The following STON1 variants were observed in gnomAD, a reference collection of about 807,000 sequenced individuals.
STON1 encodes the protein stonin 1.
STON1 carries 79 observed loss-of-function variants against 60.9 expected under a neutral mutation model. The observed-to-expected ratio is 1.30, with a 90% confidence interval of 1.08 to 1.56. The LOEUF (loss-of-function observed/expected upper bound fraction) is 1.56, where lower values mean the gene tolerates loss of function less well. Among genes scored for constraint, STON1 ranks in the 40% most tolerant of loss-of-function variants. The pLI is 0.00. For missense variants in STON1, 1,166 were observed against 858.9 expected, an observed-to-expected ratio of 1.36 and a Z score of -4.47; for synonymous variants, 363 against 306.9, an observed-to-expected ratio of 1.18 and a Z score of -1.91.
chr2:48,594,210 T>C (rs561699299), intron 3 of STON1, among the ~76,000 whole-genome samples: 136 of 152,312 alleles, frequency 8.9e-4, no homozygotes, highest in African/African-American at 3.1e-3. Context: ...AGTTTATTTC[T>C]TGGGGAACCT....
chr2:48,583,844 C>T (rs572179199), intron 2 of STON1, among the ~76,000 whole-genome samples: 41 of 151,500 alleles, frequency 2.7e-4, no homozygotes, highest in African/African-American at 9.4e-4. Flanking sequence ...CTCCGCCTCT[C>T]GGGTTCAAGT....
intron 1 of STON1, among the ~76,000 whole-genome samples, chr2:48,578,715 C>T (rs902962065): frequency 6.6e-6 from 1 of 151,448 alleles, no homozygotes; most frequent in African/African-American, 2.4e-5. Flanking sequence ...ACCACCATGC[C>T]TGGCTAATTT....
chr2:48,540,355 C>T (rs1671604998), intron 1 of STON1, among the ~76,000 whole-genome samples: 1 of 152,174 alleles, frequency 6.6e-6, no homozygotes, highest in Non-Finnish European at 1.5e-5. Context: ...CTTCTGCCCT[C>T]CTTTCACTTA....
At position 48,556,772 on chromosome 2, in the gene STON1, C is replaced by T. The variant is rs1340817464; in HGVS notation, c.-47-23815C>T. Among the ~76,000 whole-genome samples, 15 of 50,470 alleles carry T rather than the reference C, an allele frequency of 3.0e-4. 2 individuals are homozygous for T. The highest frequency in any genetic ancestry group is 4.3e-4 in the Non-Finnish European group (11 of 25,334). 33.1% of individuals were successfully genotyped at this position (50,470 alleles called of 152,430 possible). ...CTGACCCCCCCACCTCCCTCCTGGA[C>T]GGCACGGCTGCCCGGGCGGGGGGGC... is the stretch of plus-strand genomic sequence containing the variant. On this transcript the variant is annotated intron_variant, in intron 1 of 3. Coordinates refer to ENST00000404752, the MANE Select transcript of STON1 (RefSeq NM_006873.4).
In STON1 at chr2:48,580,980, T is replaced by C. The variant is rs761962005; in HGVS notation, c.347T>C (p.Ile116Thr). 2 of 1,574,962 alleles carry C rather than the reference T, an allele frequency of 1.3e-6. No individual in the cohort carries two copies. The highest frequency in any genetic ancestry group is 2.2e-5 in the East Asian group (1 of 44,548). ...TCATCTTCAGACAGCCCACTCGCAA[T>C]ATCAGGAGGAGAATCTTCCTTACTG... is the stretch of plus-strand genomic sequence containing the variant. ...PESSSDSPLA[I>T]SGGESSLLPT... is the part of the protein sequence containing the mutation. Residue 116 changes from isoleucine (I) to threonine (T), a missense_variant, in exon 2 of 4, where the codon ATA becomes ACA. Ile to Thr is a moderately conservative substitution (Grantham distance 89). Transcript: ENST00000404752.
At chr2:48,577,095 A>C (rs1196505586) in intron 1 of STON1, among the ~76,000 whole-genome samples, 1 of 151,634 alleles carries the variant, frequency 6.6e-6, no homozygotes, top group Non-Finnish European at 1.5e-5. Context: ...TACCGTTTGC[A>C]AATATTTTCT....
At chr2:48,592,832 C>T (rs1203570236) in intron 3 of STON1, among the ~76,000 whole-genome samples, 2 of 151,990 alleles carry the variant, frequency 1.3e-5, no homozygotes, top group African/African-American at 2.4e-5. Flanking sequence ...TCAGGCTGGT[C>T]TCAAATTCCT....
chr2:48,560,819 G>A (rs1256676932), intron 1 of STON1, among the ~76,000 whole-genome samples: 2 of 152,126 alleles, frequency 1.3e-5, no homozygotes, highest in Admixed American at 1.3e-4. Flanking sequence ...AGCAGGCCAC[G>A]TGCTCCCTTG....
intron 1 of STON1, among the ~76,000 whole-genome samples, chr2:48,568,452 C>T (rs1572958572): frequency 6.6e-6 from 1 of 152,200 alleles, no homozygotes; most frequent in South Asian, 2.1e-4. Context: ...TAGAGGAAAA[C>T]TGCAAAGAAC....
intron 1 of STON1, among the ~76,000 whole-genome samples, chr2:48,549,336 A>G (rs1014070857): frequency 1.3e-5 from 2 of 152,174 alleles, no homozygotes; most frequent in African/African-American, 4.8e-5. Context: ...TCCTTTTGTA[A>G]GTAAAGGTCA....
chr2:48,534,658 C>T (rs889523809), intron 1 of STON1, among the ~76,000 whole-genome samples: 4 of 152,130 alleles, frequency 2.6e-5, no homozygotes, highest in African/African-American at 7.2e-5. Context: ...GTTGCACATG[C>T]CTGAGTCCCA....
intron 1 of STON1, among the ~76,000 whole-genome samples, chr2:48,566,754 C>T (rs985951668): frequency 6.6e-6 from 1 of 152,226 alleles, no homozygotes; most frequent in African/African-American, 2.4e-5. Context: ...ACCCTATCTT[C>T]AGGCATTGAT....
rs1477739857 is a variant in STON1 at position 48,581,472 on chromosome 2, T to A, written c.839T>A (p.Leu280Gln). 1 of 1,614,226 alleles carries A rather than the reference T, an allele frequency of 6.2e-7. No homozygotes were observed. Among genetic ancestry groups the A allele is most frequent in the Non-Finnish European group, 8.5e-7 (1 of 1,180,032 alleles). ...SQPKSGWSFMLRIPEKKNMMS... is the reference protein window; with the variant it reads ...SQPKSGWSFMQRIPEKKNMMS... ...CCAAAATCCGGATGGTCTTTCATGC[T>A]GAGAATTCCTGAGAAGAAGAATATG... The change falls in exon 2 of 4, where the codon CTG becomes CAG. Residue 280 changes from leucine (L) to glutamine (Q), a missense_variant. Coordinates refer to ENST00000404752, the MANE Select transcript of STON1 (RefSeq NM_006873.4).
Position 48,582,097 on chromosome 2 carries a change from T to A in STON1, c.1464T>A (p.His488Gln). Residue 488 changes from histidine to glutamine, a missense_variant, in exon 2 of 4, where the codon CAT becomes CAA. Transcript: ENST00000404752. ...TTGATATTCTTGACTACCATTTTCATAAGTGTGTGAATGTACAAGAATTTG... is the reference window on the plus strand; with the variant it reads ...TTGATATTCTTGACTACCATTTTCAAAAGTGTGTGAATGTACAAGAATTTG... ...KGIDILDYHFHKCVNVQEFEQ... is the reference protein window; with the variant it reads ...KGIDILDYHFQKCVNVQEFEQ... 1 of 1,614,038 alleles carries A rather than the reference T, an allele frequency of 6.2e-7. No individual in the cohort carries two copies. Among genetic ancestry groups the A allele is most frequent in the South Asian group, 1.1e-5 (1 of 91,072 alleles).
intron 1 of STON1, among the ~76,000 whole-genome samples, chr2:48,564,405 G>GTCCTCTTCT (rs1553359255): frequency 3.6e-5 from 3 of 83,034 alleles, no homozygotes; most frequent in East Asian, 4.4e-4. Flanking sequence ...CAGTGGCGGT[G>GTCCTCTTCT]TCTTCTTCTT....
intron 2 of STON1, 63 bp from the exon 3 acceptor site, chr2:48,591,590 G>A: frequency 1.9e-6 from 3 of 1,580,276 alleles, no homozygotes; most frequent in Non-Finnish European, 2.6e-6. Context: ...TGCCTTTTAT[G>A]TTCAAGAGAA....
In STON1 at chr2:48,598,424, A is replaced by G. The variant is rs1674878643; in HGVS notation, c.*3122A>G. The G allele has an allele frequency of 6.6e-6, 1 of 152,660 alleles. No individual in the cohort carries two copies. Among genetic ancestry groups the G allele is most frequent in the Admixed American group, 6.5e-5 (1 of 15,280 alleles). 9.5% of individuals were successfully genotyped at this position (152,660 alleles called of 1,614,324 possible). ...ACAGTTTTGTATTCTGTCAATGCAAATATAAGACAGGTTGAGCCTTAATCA... is the reference window on the plus strand; with the variant it reads ...ACAGTTTTGTATTCTGTCAATGCAAGTATAAGACAGGTTGAGCCTTAATCA... On this transcript the variant is annotated 3_prime_UTR_variant, in exon 4 of 4. Transcript: ENST00000404752.
chr2:48,560,545 T>C (rs541291292), intron 1 of STON1, among the ~76,000 whole-genome samples: 2 of 152,352 alleles, frequency 1.3e-5, no homozygotes, highest in East Asian at 3.9e-4. Context: ...CCTGCTTGTC[T>C]GCCTCCTTCT....
intron 2 of STON1, among the ~76,000 whole-genome samples, chr2:48,589,165 G>C (rs965521453): frequency 6.6e-6 from 1 of 152,042 alleles, no homozygotes; most frequent in East Asian, 1.9e-4. Flanking sequence ...TCAGCACGTT[G>C]GTTGCTCTCT....
Sources: allele counts gnomAD v4.1 joint callset (sites outside exome capture counted in the v4.1 genomes callset), GRCh38; gene constraint gnomAD v4.1.1; transcripts MANE v1.5; gene names NCBI Gene and HGNC (gene_info 2026-07-23, HGNC 2026-07-21).